KLHL1: variants seen among roughly 807,000 people sequenced by gnomAD.
KLHL1 encodes kelch like family member 1.
KLHL1 carries 47 observed loss-of-function variants against 77.7 expected under a neutral mutation model. The ratio of observed to expected loss-of-function variants is 0.60; its 90% CI spans 0.48 to 0.77. KLHL1 has a LOEUF of 0.77. Ranked by LOEUF, KLHL1 falls within the 30% of genes least tolerant of loss-of-function variation. The pLI, the probability that KLHL1 is intolerant of heterozygous loss-of-function variation, is 0.00. For synonymous variants in KLHL1, 360 were observed against 325.2 expected, an observed-to-expected ratio of 1.11 and a Z score of -1.15; for missense variants, 925 against 910.8, an observed-to-expected ratio of 1.02 and a Z score of -0.20.
intron 3 of KLHL1, among the ~76,000 whole-genome samples, chr13:69,945,757 C>A (rs1280034032): frequency 6.6e-6 from 1 of 152,054 alleles, no homozygotes; most frequent in African/African-American, 2.4e-5. Flanking sequence ...TGAAATGGTA[C>A]AACTACTTTA....
chr13:69,908,138 T>G (rs942153288), intron 4 of KLHL1, among the ~76,000 whole-genome samples: 2 of 151,944 alleles, frequency 1.3e-5, no homozygotes, highest in African/African-American at 4.8e-5. Context: ...GCTTGTGGTG[T>G]AGCTTGTAAA....
intron 1 of KLHL1, among the ~76,000 whole-genome samples, chr13:70,048,813 G>A (rs1165232413): frequency 6.6e-6 from 1 of 152,214 alleles, no homozygotes; most frequent in Non-Finnish European, 1.5e-5. Flanking sequence ...GTGTGGCCTG[G>A]CTCCTAACAG....
intron 4 of KLHL1, among the ~76,000 whole-genome samples, chr13:69,932,220 T>C (rs1374382308): frequency 6.6e-6 from 1 of 151,744 alleles, no homozygotes; most frequent in Non-Finnish European, 1.5e-5. Flanking sequence ...GATTTTTACC[T>C]GATCAGAAAA....
intron 1 of KLHL1, among the ~76,000 whole-genome samples, chr13:70,073,130 A>G (rs1415593021): frequency 3.9e-5 from 6 of 152,148 alleles, no homozygotes. Flanking sequence ...TTGCAGCACT[A>G]TTCACGATAG....
At chr13:69,800,247 T>C (rs1877315831) in intron 6 of KLHL1, among the ~76,000 whole-genome samples, 1 of 152,190 alleles carries the variant, frequency 6.6e-6, no homozygotes, top group Non-Finnish European at 1.5e-5. Flanking sequence ...ATAATCTGTT[T>C]ATGTTAAATT....
chr13:69,789,936 A>T (rs572971689), intron 7 of KLHL1, among the ~76,000 whole-genome samples: 1 of 152,270 alleles, frequency 6.6e-6, no homozygotes, highest in South Asian at 2.1e-4. Flanking sequence ...GAGTAGGTAG[A>T]GGCAGAGACG....
Position 69,700,886 on chromosome 13 carries a change from T to C in KLHL1, c.*816A>G, listed in dbSNP as rs2137861443. The stretch of plus-strand genomic sequence containing the variant: ...AAAGGAGTTCAACATGCAATGGATA[T>C]ATATATCATTCAGAATCACTAGCTT... On this transcript the variant is annotated 3_prime_UTR_variant, in exon 11 of 11. Coordinates refer to ENST00000377844, the MANE Select transcript of KLHL1 (RefSeq NM_020866.3). 1 of 152,464 alleles carries C rather than the reference T, an allele frequency of 6.6e-6. No individual in the cohort carries two copies. The highest frequency in any genetic ancestry group is 2.1e-4 in the South Asian group (1 of 4,830). 9.4% of individuals were successfully genotyped at this position (152,464 alleles called of 1,614,324 possible).
At chr13:69,725,523 T>C (rs1873254159) in intron 8 of KLHL1, among the ~76,000 whole-genome samples, 1 of 152,138 alleles carries the variant, frequency 6.6e-6, no homozygotes, top group Non-Finnish European at 1.5e-5. Context: ...GATGGCCATA[T>C]GCCTCACTAA....
Position 69,926,100 on chromosome 13 carries a change from G to A in KLHL1, c.1014+13940C>T, listed in dbSNP as rs534988234. On this transcript the variant is annotated intron_variant, in intron 4 of 10. Transcript: ENST00000377844. ...AGTTGTAAATATTATCCCAATAAAC[G>A]TTTCTAGTTTTTTATTATTAAAGTA... Among the ~76,000 whole-genome samples the A allele has an allele frequency of 6.6e-5, 10 of 152,104 alleles. No homozygotes were observed. The East Asian group carries it at 7.7e-4, about 12-fold the overall frequency.
chr13:70,018,221 C>T (rs1275566350), intron 1 of KLHL1, among the ~76,000 whole-genome samples: 1 of 152,156 alleles, frequency 6.6e-6, no homozygotes, highest in African/African-American at 2.4e-5. Context: ...AATCGTTACT[C>T]ACAAGTACCC....
At chr13:70,042,916 A>G (rs1392795861) in intron 1 of KLHL1, among the ~76,000 whole-genome samples, 2 of 152,088 alleles carry the variant, frequency 1.3e-5, no homozygotes, top group African/African-American at 2.4e-5. Flanking sequence ...GCCCTTGTGT[A>G]TATATATGAG....
At chr13:69,788,982 T>G (rs1048715268) in intron 7 of KLHL1, among the ~76,000 whole-genome samples, 2 of 152,132 alleles carry the variant, frequency 1.3e-5, no homozygotes, top group African/African-American at 4.8e-5. Context: ...TCAGGAGAAT[T>G]CAGGAGAAAA....
intron 6 of KLHL1, among the ~76,000 whole-genome samples, chr13:69,813,475 C>G (rs1326529585): frequency 7.7e-6 from 1 of 129,322 alleles, no homozygotes; most frequent in Non-Finnish European, 1.7e-5. Flanking sequence ...CATATATACA[C>G]ACACATACAC....
intron 5 of KLHL1, among the ~76,000 whole-genome samples, chr13:69,855,963 T>C (rs1879903335): frequency 6.8e-6 from 1 of 147,582 alleles, no homozygotes; most frequent in African/African-American, 2.5e-5. Context: ...TGTTATAACA[T>C]ATATAATATA....
chr13:69,896,721 G>T (rs2325249), intron 4 of KLHL1, among the ~76,000 whole-genome samples: 146,884 of 151,346 alleles, frequency 0.97, 71,432 homozygotes, highest in East Asian at 1. Flanking sequence ...CAGGCTGGAG[G>T]GCAGTGGTGC....
At chr13:69,779,328 T>TTCCTTC (rs1566241400) in intron 7 of KLHL1, among the ~76,000 whole-genome samples, 6 of 149,070 alleles carry the variant, frequency 4.0e-5, no homozygotes, top group Non-Finnish European at 8.9e-5. Flanking sequence ...TTAAAAAAGG[T>TTCCTTC]CTTCCTTCCT....
chr13:69,764,801 A>C (rs187177839), intron 7 of KLHL1, among the ~76,000 whole-genome samples: 1 of 152,212 alleles, frequency 6.6e-6, no homozygotes, highest in East Asian at 1.9e-4. Context: ...ACATTAAAAA[A>C]GTATCTATGT....
intron 4 of KLHL1, among the ~76,000 whole-genome samples, chr13:69,939,376 T>TACACACAC (rs1289855592): frequency 2.7e-4 from 13 of 48,502 alleles, no homozygotes; most frequent in Middle Eastern, 0.011. Flanking sequence ...TATATATATA[T>TACACACAC]ATACACACAC....
At chr13:70,083,901 A>G (rs1290812669) in intron 1 of KLHL1, among the ~76,000 whole-genome samples, 1 of 152,132 alleles carries the variant, frequency 6.6e-6, no homozygotes, top group Non-Finnish European at 1.5e-5. Flanking sequence ...AATCAAACAT[A>G]GTAAAATAAA....
Sources: gnomAD v4.1 joint callset for allele counts (sites outside exome capture counted in the v4.1 genomes callset) on GRCh38, gnomAD v4.1.1 for gene constraint, MANE v1.5 for transcripts, NCBI Gene and HGNC (gene_info 2026-07-23, HGNC 2026-07-21) for gene names.